The following EMCN variants were observed in gnomAD, a reference collection of about 807,000 sequenced individuals.
EMCN encodes the protein endomucin.
In EMCN, 37 loss-of-function variants were observed where a neutral mutation model predicts 38.4. The ratio of observed to expected loss-of-function variants is 0.96; its 90% CI spans 0.74 to 1.27. The LOEUF (loss-of-function observed/expected upper bound fraction) is 1.27, where lower values mean the gene tolerates loss of function less well. Ranked by LOEUF, EMCN falls within the 50% of genes most tolerant of loss-of-function variation. EMCN has a pLI of 0.00. For synonymous variants in EMCN, 95 were observed against 100.8 expected, an observed-to-expected ratio of 0.94 and a Z score of 0.35; for missense variants, 318 against 302.8, an observed-to-expected ratio of 1.05 and a Z score of -0.37.
intron 3 of EMCN, among the ~76,000 whole-genome samples, chr4:100,471,417 A>G (rs1728473354): frequency 6.6e-6 from 1 of 151,920 alleles, no homozygotes. Flanking sequence ...AATCTAATAG[A>G]TTTATAATAA....
intron 11 of EMCN, among the ~76,000 whole-genome samples, chr4:100,404,912 A>T (rs773415205): frequency 6.6e-6 from 1 of 151,766 alleles, no homozygotes; most frequent in Non-Finnish European, 1.5e-5. Flanking sequence ...TGTACTTCTC[A>T]TTATAGAGCT....
chr4:100,437,912 A>G, intron 5 of EMCN, among the ~76,000 whole-genome samples: 1 of 151,590 alleles, frequency 6.6e-6, no homozygotes, highest in Admixed American at 6.6e-5. Flanking sequence ...ATATTTTTGG[A>G]ATGTTTTTTT....
chr4:100,406,967 A>G (rs1274146208), intron 11 of EMCN, among the ~76,000 whole-genome samples: 1 of 151,988 alleles, frequency 6.6e-6, no homozygotes, highest in Non-Finnish European at 1.5e-5. Flanking sequence ...TGAACCCTTT[A>G]TCACTTCCTT....
chr4:100,497,599 A>G (rs370421070), intron 1 of EMCN, among the ~76,000 whole-genome samples: 1 of 152,172 alleles, frequency 6.6e-6, no homozygotes, highest in Non-Finnish European at 1.5e-5. Context: ...GATGGTCTCG[A>G]TCTCCTGACC....
chr4:100,417,193 A>AAT, intron 8 of EMCN, 52 bp from the exon 9 acceptor site: 1 of 1,574,078 alleles, frequency 6.4e-7, no homozygotes, highest in Non-Finnish European at 8.7e-7. Flanking sequence ...GGCTACCATA[A>AAT]ATATGAGCAA....
intron 1 of EMCN, among the ~76,000 whole-genome samples, chr4:100,489,179 A>G (rs1054171418): frequency 6.6e-6 from 1 of 152,146 alleles, no homozygotes; most frequent in Admixed American, 6.5e-5. Flanking sequence ...CTCTTTCTCT[A>G]CATTGGCTAT....
intron 8 of EMCN, among the ~76,000 whole-genome samples, chr4:100,418,250 G>GT (rs933197940): frequency 2.0e-5 from 3 of 151,936 alleles, no homozygotes; most frequent in South Asian, 2.1e-4. Context: ...TTTAAAATGA[G>GT]TTTTTTTCAT....
intron 11 of EMCN, among the ~76,000 whole-genome samples, chr4:100,409,916 C>T (rs1007573268): frequency 1.3e-5 from 2 of 152,224 alleles, no homozygotes; most frequent in African/African-American, 2.4e-5. Flanking sequence ...CAAGCACCGT[C>T]ACTTGGATTC....
At position 100,517,811 on chromosome 4, in the gene EMCN, T is replaced by G. The variant is rs767028758; in HGVS notation, c.64+40A>C. On this transcript the variant is annotated intron_variant, in intron 1 of 11. Transcript: ENST00000296420. ...TGAGGCTGAGTCACCTACTAGTGAT[T>G]TCCAATCCGTACCACCAGAGGAATA... 3.8e-6 allele frequency: 6 copies of G among 1,599,050 alleles called. No homozygotes were observed. The Admixed American group carries it at 1.0e-4, about 27-fold the overall frequency.
chr4:100,500,794 A>G (rs187589874), intron 1 of EMCN, among the ~76,000 whole-genome samples: 199 of 152,252 alleles, frequency 1.3e-3, no homozygotes, highest in African/African-American at 4.7e-3. Context: ...ATTGATAGAC[A>G]TTTGAGCTGT....
chr4:100,446,167 A>G, intron 5 of EMCN: 3 of 985,360 alleles, frequency 3.0e-6, no homozygotes, highest in Non-Finnish European at 3.6e-6. Flanking sequence ...TCTTCCCAGA[A>G]CTGCATCAGT....
intron 5 of EMCN, among the ~76,000 whole-genome samples, chr4:100,431,610 A>G (rs571993875): frequency 6.6e-6 from 1 of 152,142 alleles, no homozygotes; most frequent in Non-Finnish European, 1.5e-5. Flanking sequence ...TTATGCCATC[A>G]GTGACCCTGG....
intron 1 of EMCN, among the ~76,000 whole-genome samples, chr4:100,488,124 T>G (rs895534555): frequency 1.3e-5 from 2 of 152,222 alleles, no homozygotes; most frequent in African/African-American, 4.8e-5. Context: ...TTGCTGGGCC[T>G]CCATTTTTTC....
Position 100,397,966 on chromosome 4 carries a change from G to A in EMCN, c.*447C>T, listed in dbSNP as rs1313218064. 6.6e-6 allele frequency: 1 copy of A among 151,788 alleles called. No individual in the cohort carries two copies. 9.4% of individuals were successfully genotyped at this position (151,788 alleles called of 1,614,324 possible). A position where few individuals can be genotyped will look rare whatever the true frequency, so the allele number is the denominator to read the frequency against. ...TGCAACTTTTCCCTGCATTAACATA[G>A]TGGTAAACAATAAATACTAACAGTA... On this transcript the variant is annotated 3_prime_UTR_variant, in exon 12 of 12. Coordinates refer to ENST00000296420, the MANE Select transcript of EMCN (RefSeq NM_016242.4).
chr4:100,435,385 C>G (rs1367455761), intron 5 of EMCN, among the ~76,000 whole-genome samples: 1 of 152,096 alleles, frequency 6.6e-6, no homozygotes, highest in African/African-American at 2.4e-5. Context: ...AAGACACAAA[C>G]AAATGGAAAA....
chr4:100,422,322 T>G (rs1321351732), intron 7 of EMCN, among the ~76,000 whole-genome samples: 1 of 152,084 alleles, frequency 6.6e-6, no homozygotes, highest in African/African-American at 2.4e-5. Context: ...ATGCCGTGAA[T>G]CAGCAGGTCA....
At chr4:100,412,719 C>T (rs997014285) in intron 10 of EMCN, among the ~76,000 whole-genome samples, 2 of 152,140 alleles carry the variant, frequency 1.3e-5, no homozygotes, top group African/African-American at 4.8e-5. Context: ...AAAGCATCTT[C>T]TTGTTATACC....
In EMCN at chr4:100,396,855, T is replaced by G. The variant is rs1194889261; in HGVS notation, c.*1558A>C. Reference sequence around the variant, plus strand: ...CCATTTAAAGACTTCTAGATTAAAATTAAGCATGGGCTCAACAGTTCTAAA... The same window carrying G: ...CCATTTAAAGACTTCTAGATTAAAAGTAAGCATGGGCTCAACAGTTCTAAA... On this transcript the variant is annotated 3_prime_UTR_variant, in exon 12 of 12. Transcript: ENST00000296420. 1 of 151,948 alleles carries G rather than the reference T, an allele frequency of 6.6e-6. No individual in the cohort carries two copies. The allele number at this position is 151,948 out of a possible 1,614,324, so 9.4% of individuals were successfully genotyped here.
intron 11 of EMCN, among the ~76,000 whole-genome samples, chr4:100,400,353 A>ATTTTTTTTTTTTTTTTTTTTTT (rs3214622): frequency 1.4e-5 from 2 of 146,748 alleles, no homozygotes; most frequent in Non-Finnish European, 1.5e-5. Flanking sequence ...CCTAGGCCAC[A>ATTTTTTTTTTTTTTTTTTTTTT]TTTTTTTTTT....
Sources: allele counts gnomAD v4.1 joint callset (sites outside exome capture counted in the v4.1 genomes callset), GRCh38; gene constraint gnomAD v4.1.1; transcripts MANE v1.5; gene names NCBI Gene and HGNC (gene_info 2026-07-23, HGNC 2026-07-21).